The following GNA12 variants were observed in gnomAD, a reference collection of about 807,000 sequenced individuals.
GNA12 encodes G protein subunit alpha 12.
GNA12 carries 9 observed loss-of-function variants against 26.0 expected under a neutral mutation model. The observed-to-expected ratio is 0.35, with a 90% CI of 0.21 to 0.60. The LOEUF (loss-of-function observed/expected upper bound fraction) is 0.60, where lower values mean the gene tolerates loss of function less well. GNA12 is among the 20% of genes least tolerant of loss of function. The probability of loss-of-function intolerance (pLI) is 0.78; values close to 1 mark genes in which losing one functional copy is unlikely to be tolerated. For missense variants in GNA12, 405 were observed against 525.8 expected (o/e 0.77, Z 2.25); for synonymous variants, 264 against 219.6 (o/e 1.20, Z -1.79).
At chr7:2,762,696 G>A in intron 2 of GNA12, 1 of 1,576,378 alleles carries the variant, frequency 6.3e-7, no homozygotes, top group Non-Finnish European at 8.6e-7. Flanking sequence ...ACGCTGCCCG[G>A]GTGGAGGAGC....
intron 1 of GNA12, among the ~76,000 whole-genome samples, chr7:2,827,616 A>G (rs895918377): frequency 3.3e-5 from 5 of 152,202 alleles, no homozygotes; most frequent in Non-Finnish European, 7.4e-5. Flanking sequence ...GTCCGTGAGC[A>G]GTGCAGAGGA....
At chr7:2,777,719 C>A (rs1792114294) in intron 2 of GNA12, among the ~76,000 whole-genome samples, 1 of 152,148 alleles carries the variant, frequency 6.6e-6, no homozygotes, top group South Asian at 2.1e-4. Context: ...TTCACAGCCT[C>A]TGAACTGTGA....
chr7:2,799,011 C>CA (rs898870085), intron 1 of GNA12, among the ~76,000 whole-genome samples: 1 of 152,096 alleles, frequency 6.6e-6, no homozygotes, highest in African/African-American at 2.4e-5. Flanking sequence ...ACAGCTTATA[C>CA]AAAATCAAAT....
Position 2,831,786 on chromosome 7 carries a change from T to C in GNA12, c.309+12067A>G, listed in dbSNP as rs1778672381. Among the ~76,000 whole-genome samples the C allele has an allele frequency of 2.0e-5, 3 of 152,304 alleles. No individual in the cohort carries two copies. The South Asian group carries it at 6.2e-4, about 32-fold the overall frequency. ...GTCACCTCATGTGCGCCAAAAATTG[T>C]AGATATAAAACTGAGCATGAGTGGA... On this transcript the variant is annotated intron_variant, in intron 1 of 3. Coordinates refer to ENST00000275364, the MANE Select transcript of GNA12 (RefSeq NM_007353.3).
chr7:2,759,255 G>A (rs1262360734), intron 2 of GNA12, among the ~76,000 whole-genome samples: 1 of 152,048 alleles, frequency 6.6e-6, no homozygotes, highest in African/African-American at 2.4e-5. Flanking sequence ...TCATAAAATG[G>A]TTATACTGTC....
chr7:2,774,584 G>T (rs569518981), intron 2 of GNA12, among the ~76,000 whole-genome samples: 6 of 152,198 alleles, frequency 3.9e-5, no homozygotes, highest in African/African-American at 7.2e-5. Flanking sequence ...CGAGGCAAAG[G>T]GGGGGTCCAG....
At chr7:2,836,429 G>A (rs1246785194) in intron 1 of GNA12, among the ~76,000 whole-genome samples, 2 of 152,342 alleles carry the variant, frequency 1.3e-5, no homozygotes, top group Middle Eastern at 3.4e-3. Context: ...AGGACTTGAG[G>A]GATGACAAGG....
At chr7:2,754,684 G>C (rs987995637) in intron 2 of GNA12, among the ~76,000 whole-genome samples, 2 of 152,122 alleles carry the variant, frequency 1.3e-5, no homozygotes, top group African/African-American at 4.8e-5. Flanking sequence ...AGGAGACTGA[G>C]GCTGCAGTGA....
At chr7:2,734,160 C>T (rs555725647) in intron 2 of GNA12, among the ~76,000 whole-genome samples, 1 of 152,228 alleles carries the variant, frequency 6.6e-6, no homozygotes, top group South Asian at 2.1e-4. Flanking sequence ...AAGGGCCCTG[C>T]GGAATCACCC....
chr7:2,777,295 G>A (rs74602360), intron 2 of GNA12, among the ~76,000 whole-genome samples: 6,930 of 152,290 alleles, frequency 0.046, 206 homozygotes, highest in Middle Eastern at 0.082. Context: ...AAATCCAATG[G>A]TATATTAATA....
At chr7:2,755,839 G>C (rs577131242) in intron 2 of GNA12, among the ~76,000 whole-genome samples, 1 of 152,204 alleles carries the variant, frequency 6.6e-6, no homozygotes, top group African/African-American at 2.4e-5. Context: ...CTAAATAATT[G>C]GAGAGTTATG....
intron 2 of GNA12, among the ~76,000 whole-genome samples, chr7:2,734,198 C>T (rs575662234): frequency 4.6e-5 from 7 of 152,316 alleles, no homozygotes; most frequent in Non-Finnish European, 5.9e-5. Flanking sequence ...AGCGCTGAGC[C>T]GCCAAATGCG....
At chr7:2,742,069 T>C (rs1376282609) in intron 2 of GNA12, among the ~76,000 whole-genome samples, 2 of 152,038 alleles carry the variant, frequency 1.3e-5, no homozygotes, top group Non-Finnish European at 2.9e-5. Flanking sequence ...TTGCCCAGGC[T>C]AGAGTGCAGT....
chr7:2,775,721 G>A (rs1171523039), intron 2 of GNA12, among the ~76,000 whole-genome samples: 1 of 152,208 alleles, frequency 6.6e-6, no homozygotes. Flanking sequence ...CAGAGGGCCA[G>A]GCTCCGAATC....
At chr7:2,791,732 G>C (rs192644647) in intron 2 of GNA12, among the ~76,000 whole-genome samples, 2 of 152,164 alleles carry the variant, frequency 1.3e-5, no homozygotes, top group African/African-American at 4.8e-5. Flanking sequence ...CTGCAGGGGT[G>C]GGGGAGGGAG....
At chr7:2,772,559 C>CA (rs60736477) in intron 2 of GNA12, among the ~76,000 whole-genome samples, 1,972 of 113,756 alleles carry the variant, frequency 0.017, 32 homozygotes, top group African/African-American at 0.047. Flanking sequence ...GACTCCATCT[C>CA]AAAAAAAAAA....
Position 2,805,568 on chromosome 7 carries a change from G to C in GNA12, c.310-10425C>G, listed in dbSNP as rs149269590. 1.5e-3 allele frequency among the ~76,000 whole-genome samples: 229 copies of C among 152,316 alleles called. 1 individual carries two copies. Among genetic ancestry groups the C allele is most frequent in the Admixed American group, 0.012 (181 of 15,296 alleles). ...TATCTGGAGAGATAAGGGAGCAGAG[G>C]AACAGGCAGGAGGCAGAAGATGCCT... On this transcript the variant is annotated intron_variant, in intron 1 of 3. Transcript: ENST00000275364.
intron 2 of GNA12, chr7:2,762,751 C>T: frequency 6.4e-7 from 1 of 1,552,328 alleles, no homozygotes. Flanking sequence ...GCAGGAAGTG[C>T]ACCAGGCCCG....
chr7:2,773,777 G>A (rs1792007059), intron 2 of GNA12, among the ~76,000 whole-genome samples: 2 of 152,174 alleles, frequency 1.3e-5, no homozygotes, highest in African/African-American at 4.8e-5. Flanking sequence ...ACAGCCCTGA[G>A]GGAAATGCCT....
Sources: gnomAD v4.1 joint callset for allele counts (sites outside exome capture counted in the v4.1 genomes callset) on GRCh38, gnomAD v4.1.1 for gene constraint, MANE v1.5 for transcripts, NCBI Gene and HGNC (gene_info 2026-07-23, HGNC 2026-07-21) for gene names.